Variants in ABLIM1 observed in about 807,000 individuals in gnomAD.
ABLIM1 encodes the protein actin-binding LIM protein 1.
Under a neutral mutation model 107.0 loss-of-function variants are expected in ABLIM1, and 40 were observed. That is an observed-to-expected ratio of 0.37 (90% CI 0.29 to 0.49). The LOEUF is 0.49. Among genes scored for constraint, ABLIM1 ranks in the 20% least tolerant of loss-of-function variants. The probability of loss-of-function intolerance (pLI) is 0.97; values close to 1 mark genes in which losing one functional copy is unlikely to be tolerated. For synonymous variants in ABLIM1, 357 were observed against 357.3 expected (o/e 1.00, Z 0.01); for missense variants, 857 against 1,008.5 (o/e 0.85, Z 2.04).
chr10:114,762,485 T>G (rs577222129), intron 1 of ABLIM1, among the ~76,000 whole-genome samples: 1 of 152,368 alleles, frequency 6.6e-6, no homozygotes, highest in African/African-American at 2.4e-5. Context: ...TCTATGTCCC[T>G]GACTCCAATA....
rs1468718046 is a variant in ABLIM1, at chr10:114,752,887, G to A, written c.-213+15174C>T. Among the ~76,000 whole-genome samples, 3 of 152,162 alleles carry A rather than the reference G, an allele frequency of 2.0e-5. No individual in the cohort carries two copies. In the East Asian group the frequency reaches 5.8e-4, roughly 29 times the overall value. On this transcript the variant is annotated intron_variant, in intron 1 of 15. Transcript: ENST00000651092. Reference sequence around the variant, plus strand: ...CCATGTCTTTGCTATTGTGAATAGTGCTGCAATGAATATATGCGTGCAACA... The same window carrying A: ...CCATGTCTTTGCTATTGTGAATAGTACTGCAATGAATATATGCGTGCAACA...
At chr10:114,550,047 T>C (rs2067856528) in intron 4 of ABLIM1, among the ~76,000 whole-genome samples, 1 of 152,200 alleles carries the variant, frequency 6.6e-6, no homozygotes, top group African/African-American at 2.4e-5. Flanking sequence ...CATGATAATG[T>C]AAAAAATTTG....
At chr10:114,438,017 C>T (rs926181148) in intron 21 of ABLIM1, 93 bp from the exon 22 acceptor site, 51 of 1,188,876 alleles carry the variant, frequency 4.3e-5, no homozygotes, top group Non-Finnish European at 6.2e-5. Flanking sequence ...CAAGATAGAG[C>T]TTCCAAGAGA....
chr10:114,548,249 C>A (rs2067617140), intron 4 of ABLIM1, among the ~76,000 whole-genome samples: 1 of 152,176 alleles, frequency 6.6e-6, no homozygotes, highest in African/African-American at 2.4e-5. Flanking sequence ...GTAAATGGGA[C>A]CCTACTTCCT....
intron 1 of ABLIM1, among the ~76,000 whole-genome samples, chr10:114,645,717 G>A (rs945086018): frequency 6.6e-6 from 1 of 152,040 alleles, no homozygotes; most frequent in Non-Finnish European, 1.5e-5. Flanking sequence ...CACAGACTAC[G>A]CCAAAGTACT....
At chr10:114,799,909 G>T in the ABLIM1 span, among the ~76,000 whole-genome samples, 5 of 152,134 alleles carry the variant, frequency 3.3e-5, no homozygotes, top group Non-Finnish European at 5.9e-5. Context: ...CTGAGTAGCT[G>T]GGAATACAGG....
exon 1 of ABLIM1, chr10:114,684,904 G>A: frequency 1.8e-5 from 4 of 219,392 alleles, no homozygotes; most frequent in Non-Finnish European, 2.3e-5. Context: ...TTCACTACTA[G>A]AATTTTTAAA....
chr10:114,642,482 A>T (rs983863338), intron 1 of ABLIM1, among the ~76,000 whole-genome samples: 4 of 152,248 alleles, frequency 2.6e-5, no homozygotes, highest in Admixed American at 2.0e-4. Flanking sequence ...AATTCCTAGC[A>T]TAGAGAAAAC....
intron 1 of ABLIM1, among the ~76,000 whole-genome samples, chr10:114,675,037 T>C (rs988230359): frequency 6.6e-6 from 1 of 152,124 alleles, no homozygotes; most frequent in Non-Finnish European, 1.5e-5. Context: ...AGCGTGGTTA[T>C]AACCAAATGC....
At chr10:114,621,042 A>G (rs2077435389) in intron 1 of ABLIM1, among the ~76,000 whole-genome samples, 1 of 152,174 alleles carries the variant, frequency 6.6e-6, no homozygotes, top group Non-Finnish European at 1.5e-5. Context: ...TTGCTGTATG[A>G]TGTGGCCAAA....
At chr10:114,456,933 T>TA (rs1565333561) in intron 12 of ABLIM1, among the ~76,000 whole-genome samples, 65 of 118,862 alleles carry the variant, frequency 5.5e-4, no homozygotes, top group Middle Eastern at 4.1e-3. Flanking sequence ...TGTTTTTTTT[T>TA]TAAAAAAAAA....
At chr10:114,787,627 GGGTGCCTCTGCCCGGCCGCCCCT>G in the ABLIM1 span, among the ~76,000 whole-genome samples, 1 of 144,256 alleles carries the variant, frequency 6.9e-6, no homozygotes, top group Non-Finnish European at 1.5e-5. Flanking sequence ...GGGAGGTGAG[GGGTGCCTCTGCCCGGCCGCCCCT>G]ACTGGGAAGT....
chr10:114,470,666 G>A (rs1431988668), intron 10 of ABLIM1, among the ~76,000 whole-genome samples: 1 of 152,094 alleles, frequency 6.6e-6, no homozygotes, highest in African/African-American at 2.4e-5. Flanking sequence ...AGAGTAGCCA[G>A]CATTTTTCTT....
At position 114,436,334 on chromosome 10, in the gene ABLIM1, T is replaced by C. The variant is rs1413467326; in HGVS notation, c.2263A>G (p.Met755Val). Residue 755 changes from methionine to valine, a missense_variant, in exon 23 of 23, where the codon ATG becomes GTG. Coordinates refer to ENST00000533213, the MANE Select transcript of ABLIM1 (RefSeq NM_002313.7). The part of the protein sequence containing the change: ...APEVFREIFG[M>V]SIQEFDRLPL... Reference sequence around the variant, plus strand: ...AACCTGTCAAACTCCTGTATGGACATTCCAAAGATTTCCCGAAACACTTCA... The same window carrying C: ...AACCTGTCAAACTCCTGTATGGACACTCCAAAGATTTCCCGAAACACTTCA... 1.2e-6 allele frequency: 2 copies of C among 1,613,944 alleles called. No individual in the cohort carries two copies. Among genetic ancestry groups the C allele is most frequent in the Non-Finnish European group, 1.7e-6 (2 of 1,179,986 alleles).
intron 4 of ABLIM1, among the ~76,000 whole-genome samples, chr10:114,568,706 C>T (rs567546246): frequency 2.9e-4 from 44 of 152,152 alleles, no homozygotes; most frequent in Admixed American, 1.2e-3. Context: ...TAAAGATGTC[C>T]TGACCAAAGC....
chr10:114,462,041 TA>T, intron 12 of ABLIM1, among the ~76,000 whole-genome samples: 1 of 152,286 alleles, frequency 6.6e-6, no homozygotes, highest in African/African-American at 2.4e-5. Flanking sequence ...TGCATACTGA[TA>T]AGTACAGTAC....
At position 114,488,733 on chromosome 10, in the gene ABLIM1, T is replaced by A. The variant is rs534451002; in HGVS notation, c.983-717A>T. 6.6e-5 allele frequency among the ~76,000 whole-genome samples: 10 copies of A among 152,296 alleles called. No homozygotes were observed. In the South Asian group the frequency reaches 2.1e-3, roughly 32 times the overall value. On this transcript the variant is annotated intron_variant, in intron 7 of 22. Coordinates refer to ENST00000533213, the MANE Select transcript of ABLIM1 (RefSeq NM_002313.7). ...AATGCGTGGTACCAGCATCACAGAA[T>A]TAAACAAAACACTTATCTCCAATAG...
intron 4 of ABLIM1, among the ~76,000 whole-genome samples, chr10:114,566,290 A>G (rs952051539): frequency 4.6e-5 from 7 of 152,178 alleles, no homozygotes; most frequent in Admixed American, 2.6e-4. Flanking sequence ...ACCCTTTGAC[A>G]TGGAAAGGGT....
chr10:114,733,010 G>A (rs572239106), intron 1 of ABLIM1, among the ~76,000 whole-genome samples: 5 of 152,272 alleles, frequency 3.3e-5, no homozygotes, highest in African/African-American at 9.6e-5. Flanking sequence ...AATTAAGAAT[G>A]TGCTGGAATC....
Sources: allele counts gnomAD v4.1 joint callset (sites outside exome capture counted in the v4.1 genomes callset), GRCh38; gene constraint gnomAD v4.1.1; transcripts MANE v1.5; gene names NCBI Gene and HGNC (gene_info 2026-07-23, HGNC 2026-07-21).